Variants in XKR9 observed in about 807,000 individuals in gnomAD.
XKR9 encodes XK related 9.
A neutral mutation model predicts 32.0 loss-of-function variants in XKR9; 32 were observed. The observed-to-expected ratio is 1.00, with a 90% CI of 0.76 to 1.34. The LOEUF is 1.34. XKR9 is among the 40% of genes most tolerant of loss of function. XKR9 has a pLI of 0.00. For missense variants in XKR9, 546 were observed against 429.7 expected, an observed-to-expected ratio of 1.27 and a Z score of -2.39; for synonymous variants, 168 against 143.4, an observed-to-expected ratio of 1.17 and a Z score of -1.22.
chr8:71,050,236 G>GATATATATATATATATATAT, the XKR9 span, among the ~76,000 whole-genome samples: 1 of 123,566 alleles, frequency 8.1e-6, no homozygotes, highest in African/African-American at 3.2e-5. Flanking sequence ...GCCTGGCAGA[G>GATATATATATATATATATAT]ATATATATAT....
At chr8:70,856,452 G>A in the XKR9 span, among the ~76,000 whole-genome samples, 1 of 152,140 alleles carries the variant, frequency 6.6e-6, no homozygotes, top group Admixed American at 6.5e-5. Context: ...ACCCAATACA[G>A]GAGCAACCAG....
At chr8:71,018,791 A>G in the XKR9 span, among the ~76,000 whole-genome samples, 4 of 152,234 alleles carry the variant, frequency 2.6e-5, no homozygotes, top group Non-Finnish European at 4.4e-5. Context: ...ACTTTAAAAT[A>G]TAATACAAAC....
At chr8:70,712,662 C>A (rs1218268029) in intron 4 of XKR9, among the ~76,000 whole-genome samples, 3 of 152,114 alleles carry the variant, frequency 2.0e-5, no homozygotes, top group African/African-American at 7.2e-5. Flanking sequence ...AGAAGGTGTA[C>A]ATTTTTGCAA....
the XKR9 span, among the ~76,000 whole-genome samples, chr8:71,055,489 T>G: frequency 6.6e-6 from 1 of 152,204 alleles, no homozygotes. Context: ...CTATGTTTCT[T>G]GGGCTTCTAG....
At chr8:70,895,889 C>T in the XKR9 span, among the ~76,000 whole-genome samples, 1 of 151,568 alleles carries the variant, frequency 6.6e-6, no homozygotes, top group Non-Finnish European at 1.5e-5. Context: ...TAGTCCCAAC[C>T]ACTGGGGGCG....
rs532071763 is a variant in XKR9, at chr8:70,766,521, A to G, written n.353-22818A>G. Among the ~76,000 whole-genome samples the G allele has an allele frequency of 3.3e-5, 5 of 152,308 alleles. No homozygotes were observed. The East Asian group carries it at 9.6e-4, about 29-fold the overall frequency. ...ACTGAGATGATGGGGTTTTCTAAATATACAATCATATAATCTGCAAACACA... is the reference window on the plus strand; with the variant it reads ...ACTGAGATGATGGGGTTTTCTAAATGTACAATCATATAATCTGCAAACACA... On this transcript the variant is annotated intron_variant and non_coding_transcript_variant, in intron 2 of 3. Transcript: ENST00000520273.
the XKR9 span, among the ~76,000 whole-genome samples, chr8:70,853,988 A>G: frequency 2.0e-5 from 3 of 152,190 alleles, no homozygotes; most frequent in Admixed American, 6.6e-5. Flanking sequence ...CAATAAACAC[A>G]TGTGTGCATG....
chr8:70,830,451 G>A, the XKR9 span, among the ~76,000 whole-genome samples: 3 of 151,820 alleles, frequency 2.0e-5, no homozygotes, highest in South Asian at 2.1e-4. Context: ...GCTGAGAGTC[G>A]TAGGAGGCAC....
chr8:70,883,712 A>G, the XKR9 span, among the ~76,000 whole-genome samples: 1 of 152,214 alleles, frequency 6.6e-6, no homozygotes, highest in South Asian at 2.1e-4. Flanking sequence ...TTGTGGCTTC[A>G]TAGCCTAGTT....
chr8:70,734,662 A>G lies in XKR9; in HGVS notation c.*238A>G, dbSNP rs1806806934. 2 of 314,138 alleles carry G rather than the reference A, an allele frequency of 6.4e-6. No homozygotes were observed. The highest frequency in any genetic ancestry group is 5.1e-5 in the Admixed American group (1 of 19,508). The allele number at this position is 314,138 out of a possible 1,614,324, so 19.5% of individuals were successfully genotyped here. ...TGGTAGAGCTGCCATCTTGAGCCTG[A>G]AATATAAGAAATGGTCTGGTTTTCA... On this transcript the variant is annotated 3_prime_UTR_variant, in exon 5 of 5. Transcript: ENST00000408926.
chr8:70,909,316 T>C, the XKR9 span, among the ~76,000 whole-genome samples: 1 of 152,174 alleles, frequency 6.6e-6, no homozygotes, highest in Non-Finnish European at 1.5e-5. Context: ...TTGTATGTTT[T>C]GTCTCATATT....
the XKR9 span, among the ~76,000 whole-genome samples, chr8:70,932,520 A>G: frequency 3.3e-5 from 5 of 152,004 alleles, no homozygotes; most frequent in African/African-American, 1.2e-4. Flanking sequence ...CAGCACCAGG[A>G]CCTCTCAATT....
At chr8:70,704,530 G>C (rs921596331) in intron 3 of XKR9, among the ~76,000 whole-genome samples, 1 of 152,102 alleles carries the variant, frequency 6.6e-6, no homozygotes, top group African/African-American at 2.4e-5. Context: ...CTATTTTCCG[G>C]ATGAGGAAAC....
At chr8:71,001,606 A>G in the XKR9 span, among the ~76,000 whole-genome samples, 3 of 152,168 alleles carry the variant, frequency 2.0e-5, no homozygotes, top group South Asian at 4.1e-4. Flanking sequence ...GAGGATATGT[A>G]TACCTGGCAT....
intron 2 of XKR9, among the ~76,000 whole-genome samples, chr8:70,770,505 G>A (rs917195084): frequency 6.6e-6 from 1 of 152,188 alleles, no homozygotes; most frequent in Non-Finnish European, 1.5e-5. Flanking sequence ...TGCTGAAGCT[G>A]CACCCACAGC....
chr8:71,040,414 A>G, the XKR9 span, among the ~76,000 whole-genome samples: 1 of 152,212 alleles, frequency 6.6e-6, no homozygotes, highest in South Asian at 2.1e-4. Context: ...GCAATTTTGT[A>G]TGCTGCAACA....
chr8:70,835,149 A>C, the XKR9 span, among the ~76,000 whole-genome samples: 159 of 151,944 alleles, frequency 1.0e-3, 1 homozygote, highest in Middle Eastern at 6.8e-3. Flanking sequence ...CTTAGTTCTG[A>C]TAGAGTGTCA....
At chr8:70,952,334 C>T in the XKR9 span, among the ~76,000 whole-genome samples, 3 of 152,066 alleles carry the variant, frequency 2.0e-5, no homozygotes, top group Non-Finnish European at 4.4e-5. Context: ...CAATTCTGTC[C>T]CCCATGAAAC....
intron 2 of XKR9, among the ~76,000 whole-genome samples, chr8:70,785,834 A>G (rs1167015962): frequency 1.3e-5 from 2 of 149,238 alleles, no homozygotes; most frequent in African/African-American, 4.9e-5. Flanking sequence ...ATATTTATCT[A>G]TATTTATATA....
Sources: allele counts gnomAD v4.1 joint callset (sites outside exome capture counted in the v4.1 genomes callset), GRCh38; gene constraint gnomAD v4.1.1; transcripts MANE v1.5; gene names NCBI Gene and HGNC (gene_info 2026-07-23, HGNC 2026-07-21).